KIFC3: variants seen among roughly 807,000 people sequenced by gnomAD.
The protein encoded by KIFC3 is kinesin-like protein KIFC3.
In KIFC3, 60 loss-of-function variants were observed where a neutral mutation model predicts 101.8. The ratio of observed to expected loss-of-function variants is 0.59; its 90% confidence interval spans 0.48 to 0.73. The LOEUF (loss-of-function observed/expected upper bound fraction) is 0.73, where lower values mean the gene tolerates loss of function less well. KIFC3 is among the 30% of genes least tolerant of loss of function. The pLI is 0.00. For missense variants in KIFC3, 966 were observed against 1,137.1 expected (o/e 0.85, Z 2.16); for synonymous variants, 476 against 482.7 (o/e 0.99, Z 0.18).
intron 3 of KIFC3, chr16:57,785,546 T>C (rs2053233646): frequency 7.8e-7 from 1 of 1,289,094 alleles, no homozygotes. Flanking sequence ...CAGCTCCTCC[T>C]GTAGCTGGGT....
chr16:57,825,988 T>C (rs2055449899), intron 1 of KIFC3, among the ~76,000 whole-genome samples: 1 of 152,242 alleles, frequency 6.6e-6, no homozygotes. Context: ...CCTGGCTTGT[T>C]TTCTTGTTTA....
intron 9 of KIFC3, among the ~76,000 whole-genome samples, chr16:57,768,832 A>T (rs1047868409): frequency 7.2e-5 from 11 of 152,188 alleles, no homozygotes; most frequent in Admixed American, 5.9e-4. Flanking sequence ...TCTCATATGT[A>T]CAAGTACAGC....
chr16:57,760,476 A>G, intron 16 of KIFC3, 60 bp from the exon 17 acceptor site: 1 of 1,579,554 alleles, frequency 6.3e-7, no homozygotes, highest in African/African-American at 1.3e-5. Context: ...CAGGGTCACG[A>G]GAGGGAGCTC....
chr16:57,856,518 A>AG (rs1238374660), intron 1 of KIFC3, among the ~76,000 whole-genome samples: 7 of 150,146 alleles, frequency 4.7e-5, no homozygotes, highest in African/African-American at 1.7e-4. Flanking sequence ...GAAGGAAGGG[A>AG]GGGAAAAAAG....
intron 2 of KIFC3, chr16:57,797,571 G>A (rs1203607676): frequency 2.3e-6 from 1 of 428,276 alleles, no homozygotes; most frequent in Non-Finnish European, 3.2e-6. Context: ...CACCTGAAAT[G>A]AGCACATGGA....
At chr16:57,797,641 G>C in intron 2 of KIFC3, 5 of 1,060,916 alleles carry the variant, frequency 4.7e-6, no homozygotes, top group Non-Finnish European at 4.6e-6. Context: ...ACGCCGTCCA[G>C]GGGCCAGCCC....
chr16:57,829,730 A>C lies in KIFC3; in HGVS notation c.109-31448T>G, dbSNP rs537265682. On this transcript the variant is annotated intron_variant, in intron 1 of 2. Transcript: ENST00000563028. Reference sequence around the variant, plus strand: ...ATCCTCCAGCCTCTTCCCCAGTATCAAAGCAACCACTCAGGGTAATCTCAC... The same window carrying C: ...ATCCTCCAGCCTCTTCCCCAGTATCCAAGCAACCACTCAGGGTAATCTCAC... Among the ~76,000 whole-genome samples the C allele has an allele frequency of 2.6e-5, 4 of 152,252 alleles. No homozygotes were observed. The East Asian group carries it at 7.7e-4, about 29-fold the overall frequency.
At chr16:57,859,719 A>G (rs1342767603) in intron 1 of KIFC3, among the ~76,000 whole-genome samples, 9 of 152,106 alleles carry the variant, frequency 5.9e-5, no homozygotes, top group Non-Finnish European at 1.3e-4. Flanking sequence ...CACATTCCCC[A>G]CAAACATTTA....
chr16:57,768,541 A>ACACACACACACACAC (rs375454621), intron 9 of KIFC3, among the ~76,000 whole-genome samples: 4 of 152,120 alleles, frequency 2.6e-5, no homozygotes, highest in East Asian at 1.9e-4. Flanking sequence ...ACACACGCAC[A>ACACACACACACACAC]ATTGGCTTAA....
intron 9 of KIFC3, among the ~76,000 whole-genome samples, chr16:57,768,172 AAAACAAAC>A (rs1221893370): frequency 1.2e-4 from 18 of 152,202 alleles, no homozygotes; most frequent in East Asian, 1.9e-4. Context: ...TTAAAAATAC[AAAACAAAC>A]AAACAAACAA....
chr16:57,784,933 C>A (rs1208922382), intron 3 of KIFC3, among the ~76,000 whole-genome samples: 1 of 152,200 alleles, frequency 6.6e-6, no homozygotes, highest in Non-Finnish European at 1.5e-5. Flanking sequence ...CCTGCATGAA[C>A]CCTGGCTCTC....
At position 57,818,026 on chromosome 16, in the gene KIFC3, T is replaced by C. The variant is rs188023029; in HGVS notation, c.109-19744A>G. ...ATTTTCTTTCTTTCTTTTTTTTTTTTTTTGTTCTTTTCTATGTTTTGAGAC... is the reference window on the plus strand; with the variant it reads ...ATTTTCTTTCTTTCTTTTTTTTTTTCTTTGTTCTTTTCTATGTTTTGAGAC... On this transcript the variant is annotated intron_variant, in intron 1 of 2. Coordinates refer to the KIFC3 transcript ENST00000563028. Among the ~76,000 whole-genome samples the C allele has an allele frequency of 4.6e-3, 701 of 152,224 alleles. 3 individuals are homozygous for C. Among genetic ancestry groups the C allele is most frequent in the Admixed American group, 5.9e-3 (90 of 15,284 alleles).
chr16:57,766,064 T>C (rs142699696), intron 10 of KIFC3, among the ~76,000 whole-genome samples: 8 of 152,294 alleles, frequency 5.3e-5, no homozygotes, highest in East Asian at 3.9e-4. Flanking sequence ...GATGGGCATA[T>C]AGGCCCAGGC....
chr16:57,818,244 G>C (rs1284495489), intron 1 of KIFC3, among the ~76,000 whole-genome samples: 4 of 151,938 alleles, frequency 2.6e-5, no homozygotes, highest in Admixed American at 2.6e-4. Context: ...ACCATGCCTG[G>C]TCTATTGTTA....
intron 11 of KIFC3, 28 bp from the exon 12 acceptor site, chr16:57,764,275 T>TGGGGGGGGGGGGGGGGGGG: frequency 1.1e-5 from 6 of 539,842 alleles, no homozygotes; most frequent in Admixed American, 2.4e-5. Context: ...GGGAGGCTGG[T>TGGGGGGGGGGGGGGGGGGG]GGGGGGGCTT....
upstream of KIFC3, chr16:57,803,272 G>T (rs1555626213): frequency 2.9e-6 from 2 of 697,372 alleles, no homozygotes; most frequent in South Asian, 3.0e-5. Flanking sequence ...GAGGCCAGGG[G>T]CCTGCCAGCC....
At chr16:57,775,958 G>T (rs1555611613) in intron 3 of KIFC3, 1 of 985,378 alleles carries the variant, frequency 1.0e-6, no homozygotes, top group African/African-American at 1.7e-5. Flanking sequence ...AGGGGAAGAG[G>T]GAGCTGGGCC....
intron 1 of KIFC3, among the ~76,000 whole-genome samples, chr16:57,860,337 C>T (rs890583485): frequency 1.3e-5 from 2 of 152,130 alleles, no homozygotes; most frequent in Non-Finnish European, 1.5e-5. Context: ...CCTGTAATCC[C>T]AGCTACTCAG....
chr16:57,810,250 G>T lies in KIFC3; in HGVS notation c.109-11968C>A, dbSNP rs150925744. 3.8e-3 allele frequency among the ~76,000 whole-genome samples: 580 copies of T among 152,252 alleles called. 3 individuals carry two copies. The highest frequency in any genetic ancestry group is 0.02 in the Middle Eastern group (6 of 294). ...GGACAGGGGCCATAAGGGAAGCCAC[G>T]TGCTCCTGGAAAGCCATAGCCACAG... On this transcript the variant is annotated intron_variant, in intron 1 of 2. Coordinates refer to the KIFC3 transcript ENST00000563028.
Sources: gnomAD v4.1 joint callset for allele counts (sites outside exome capture counted in the v4.1 genomes callset) on GRCh38, gnomAD v4.1.1 for gene constraint, MANE v1.5 for transcripts, NCBI Gene and HGNC (gene_info 2026-07-23, HGNC 2026-07-21) for gene names.